The following RAPGEF4 variants were observed in gnomAD, a reference collection of about 807,000 sequenced individuals.
RAPGEF4 encodes the protein RAP guanine-nucleotide-exchange factor (GEF) 4.
In RAPGEF4, 66 loss-of-function variants were observed where a neutral mutation model predicts 147.9. That is an observed-to-expected ratio of 0.45 (90% CI 0.37 to 0.55). The LOEUF (loss-of-function observed/expected upper bound fraction) is 0.55, where lower values mean the gene tolerates loss of function less well. Among genes scored for constraint, RAPGEF4 ranks in the 20% least tolerant of loss-of-function variants. The pLI is 0.00. For synonymous variants in RAPGEF4, 419 were observed against 442.7 expected, an observed-to-expected ratio of 0.95 and a Z score of 0.67; for missense variants, 1,071 against 1,257.3, an observed-to-expected ratio of 0.85 and a Z score of 2.24.
chr2:173,039,394 G>A (rs1456012334), intron 29 of RAPGEF4, among the ~76,000 whole-genome samples: 1 of 152,004 alleles, frequency 6.6e-6, no homozygotes, highest in Admixed American at 6.6e-5. Flanking sequence ...GAACCCAGGG[G>A]GCGGAGCTTA....
At chr2:172,846,893 C>A (rs1692257711) in intron 4 of RAPGEF4, among the ~76,000 whole-genome samples, 2 of 152,174 alleles carry the variant, frequency 1.3e-5, no homozygotes, top group Admixed American at 1.3e-4. Context: ...CACTGCCATT[C>A]CATCATGAGT....
intron 4 of RAPGEF4, among the ~76,000 whole-genome samples, chr2:172,907,531 C>T (rs1286999061): frequency 1.3e-5 from 2 of 152,184 alleles, no homozygotes; most frequent in Non-Finnish European, 2.9e-5. Context: ...CACTTTGGAA[C>T]TTGTTGCTTT....
chr2:172,764,679 C>T (rs1008162462), intron 1 of RAPGEF4, among the ~76,000 whole-genome samples: 6 of 152,174 alleles, frequency 3.9e-5, no homozygotes, highest in East Asian at 1.9e-4. Context: ...AAGGCAATGA[C>T]TTGCCCCTTT....
intron 27 of RAPGEF4, 71 bp downstream of exon 27, chr2:173,034,035 G>T: frequency 6.8e-7 from 1 of 1,468,828 alleles, no homozygotes; most frequent in Non-Finnish European, 9.3e-7. Context: ...CTGAATTGAA[G>T]TTCTCATTTT....
chr2:172,915,875 TAG>T (rs1397076850), intron 4 of RAPGEF4, among the ~76,000 whole-genome samples: 1 of 152,156 alleles, frequency 6.6e-6, no homozygotes, highest in Non-Finnish European at 1.5e-5. Context: ...TAGAAAAATT[TAG>T]AGAGTCAACA....
chr2:173,048,648 C>T lies in RAPGEF4; in HGVS notation c.2902C>T (p.Pro968Ser). 1 of 1,614,056 alleles carries T rather than the reference C, an allele frequency of 6.2e-7. No individual in the cohort carries two copies. Among genetic ancestry groups the T allele is most frequent in the Non-Finnish European group, 8.5e-7 (1 of 1,180,012 alleles). ...ARTVRYYRSQ[P>S]FNPDAAQANK... ...AACAGTGAGATACTACAGGAGCCAACCCTTCAGTAAGTTAAGTGCTGCCAC... is the reference window on the plus strand; with the variant it reads ...AACAGTGAGATACTACAGGAGCCAATCCTTCAGTAAGTTAAGTGCTGCCAC... The change falls in exon 30 of 31, where the codon CCC becomes TCC. Residue 968 changes from proline to serine, a missense_variant. Coordinates refer to ENST00000397081, the MANE Select transcript of RAPGEF4 (RefSeq NM_007023.4).
chr2:172,967,167 G>C (rs1689930570), intron 9 of RAPGEF4, 94 bp from the exon 10 acceptor site: 1 of 1,271,598 alleles, frequency 7.9e-7, no homozygotes, highest in Admixed American at 2.1e-5. Context: ...GCTGCCACTT[G>C]GCCCTCCTGC....
intron 4 of RAPGEF4, among the ~76,000 whole-genome samples, chr2:172,870,635 T>C (rs545032671): frequency 2.6e-4 from 39 of 152,284 alleles, no homozygotes; most frequent in African/African-American, 9.1e-4. Flanking sequence ...TAGGTGGTAA[T>C]GGCTTCAGTC....
chr2:172,925,308 C>T (rs142548888), intron 6 of RAPGEF4, among the ~76,000 whole-genome samples: 2 of 152,300 alleles, frequency 1.3e-5, no homozygotes, highest in African/African-American at 2.4e-5. Context: ...AAAATATGCA[C>T]ACATCAACAA....
intron 1 of RAPGEF4, among the ~76,000 whole-genome samples, chr2:172,765,072 C>T (rs1254913586): frequency 6.6e-6 from 1 of 152,212 alleles, no homozygotes; most frequent in African/African-American, 2.4e-5. Flanking sequence ...AAGAAGACTT[C>T]CTTGCCTCTT....
At chr2:172,891,879 A>G (rs1448864383) in intron 4 of RAPGEF4, among the ~76,000 whole-genome samples, 1 of 152,228 alleles carries the variant, frequency 6.6e-6, no homozygotes, top group East Asian at 1.9e-4. Context: ...AACATATTAT[A>G]TAGGAATTCT....
chr2:172,967,286 C>A lies in RAPGEF4; in HGVS notation c.846C>A (p.Asp282Glu). 1 of 1,612,288 alleles carries A rather than the reference C, an allele frequency of 6.2e-7. No individual in the cohort carries two copies. Among genetic ancestry groups the A allele is most frequent in the Non-Finnish European group, 8.5e-7 (1 of 1,179,596 alleles). ...NHVDQEHHFQ[D>E]KYLFYRFLDD... is the part of the protein sequence containing the mutation. ...TGGACCAGGAGCACCATTTCCAAGA[C>A]AAATATTTATTCTATCGATTTCTGG... Residue 282 changes from aspartate (D) to glutamate (E), a missense_variant, in exon 10 of 31, where the codon GAC (aspartate) becomes GAA (glutamate). By Grantham distance (45) the Asp-to-Glu change is conservative (BLOSUM62 2). Coordinates refer to ENST00000397081, the MANE Select transcript of RAPGEF4 (RefSeq NM_007023.4).
chr2:172,806,378 A>G (rs915355871), intron 3 of RAPGEF4, among the ~76,000 whole-genome samples: 3 of 152,204 alleles, frequency 2.0e-5, no homozygotes, highest in Non-Finnish European at 4.4e-5. Context: ...CACGGTGGTT[A>G]AATTCAGAGC....
rs192043552 is a variant in RAPGEF4, at chr2:173,050,868, A to G, written c.2909-772A>G. ...CCAGAGGGACCTGTGTTTCCAGTTC[A>G]CCACCTTCTGGTCTGGCTTTCCTTA... On this transcript the variant is annotated intron_variant, in intron 30 of 30. Coordinates refer to ENST00000397081, the MANE Select transcript of RAPGEF4 (RefSeq NM_007023.4). Among the ~76,000 whole-genome samples, 446 of 151,572 alleles carry G rather than the reference A, an allele frequency of 2.9e-3. 4 individuals carry two copies. The highest frequency in any genetic ancestry group is 0.022 in the South Asian group (105 of 4,776).
intron 1 of RAPGEF4, among the ~76,000 whole-genome samples, chr2:172,793,156 C>T (rs1001452301): frequency 1.3e-5 from 2 of 152,124 alleles, no homozygotes; most frequent in African/African-American, 4.8e-5. Flanking sequence ...TCTCTGTCAC[C>T]ACCTCCAAAT....
Position 172,924,312 on chromosome 2 carries a change from G to A in RAPGEF4, c.537+2012G>A, listed in dbSNP as rs117260846. 2.1e-3 allele frequency among the ~76,000 whole-genome samples: 318 copies of A among 152,302 alleles called. 9 individuals are homozygous for A. The East Asian group carries it at 0.032, about 15-fold the overall frequency. On this transcript the variant is annotated intron_variant, in intron 6 of 30. Transcript: ENST00000397081. ...CAACAGGCACAGGGCTCTAAGCAGAGGGCTAACAGCTGTCATCATGTAGCT... is the reference window on the plus strand; with the variant it reads ...CAACAGGCACAGGGCTCTAAGCAGAAGGCTAACAGCTGTCATCATGTAGCT...
chr2:173,026,025 G>A (rs3769219), intron 23 of RAPGEF4, among the ~76,000 whole-genome samples: 7,668 of 152,214 alleles, frequency 0.05, 252 homozygotes, highest in South Asian at 0.084. Context: ...AGAGTAGAGG[G>A]ATCAGACATC....
At chr2:172,884,389 A>G (rs1429766527) in intron 4 of RAPGEF4, among the ~76,000 whole-genome samples, 3 of 152,240 alleles carry the variant, frequency 2.0e-5, no homozygotes, top group African/African-American at 7.2e-5. Context: ...GTGTTCCTAC[A>G]CTGGAGCCTC....
chr2:172,924,748 T>C (rs1685104027), intron 6 of RAPGEF4, among the ~76,000 whole-genome samples: 1 of 152,236 alleles, frequency 6.6e-6, no homozygotes, highest in African/African-American at 2.4e-5. Context: ...TGATGATTTC[T>C]TTTATCCTTC....
Sources: allele counts gnomAD v4.1 joint callset (sites outside exome capture counted in the v4.1 genomes callset), GRCh38; gene constraint gnomAD v4.1.1; transcripts MANE v1.5; gene names NCBI Gene and HGNC (gene_info 2026-07-23, HGNC 2026-07-21).